Variants in OXCT1 observed in about 807,000 individuals in gnomAD.
The protein encoded by OXCT1 is 3-oxoacid CoA-transferase 1, also known as succinyl-CoA:3-ketoacid coenzyme A transferase 1, mitochondrial.
A neutral mutation model predicts 69.6 loss-of-function variants in OXCT1; 27 were observed. That is an observed-to-expected ratio of 0.39 (90% CI 0.29 to 0.54). OXCT1 has a LOEUF of 0.54. Ranked by LOEUF, OXCT1 falls within the 20% of genes least tolerant of loss-of-function variation. The probability of loss-of-function intolerance (pLI) is 0.72; values close to 1 mark genes in which losing one functional copy is unlikely to be tolerated. For missense variants in OXCT1, 437 were observed against 650.2 expected (o/e 0.67, Z 3.57); for synonymous variants, 202 against 217.8 (o/e 0.93, Z 0.64).
At chr5:41,786,142 T>C (rs966079843) in intron 13 of OXCT1, among the ~76,000 whole-genome samples, 5 of 151,984 alleles carry the variant, frequency 3.3e-5, no homozygotes, top group African/African-American at 4.8e-5. Flanking sequence ...CGCAGGAAAG[T>C]CAGAAGCTGC....
intron 7 of OXCT1, among the ~76,000 whole-genome samples, chr5:41,812,214 G>T (rs562657105): frequency 6.6e-6 from 1 of 152,108 alleles, no homozygotes; most frequent in African/African-American, 2.4e-5. Context: ...ATTGGAATTG[G>T]AAATAGACCA....
At chr5:41,734,657 C>T (rs976922517) in intron 16 of OXCT1, among the ~76,000 whole-genome samples, 1 of 152,072 alleles carries the variant, frequency 6.6e-6, no homozygotes, top group Admixed American at 6.5e-5. Context: ...AATCTGAGGA[C>T]AATGGGAGAA....
At chr5:41,779,316 G>A (rs1745284098) in intron 13 of OXCT1, among the ~76,000 whole-genome samples, 1 of 152,124 alleles carries the variant, frequency 6.6e-6, no homozygotes, top group African/African-American at 2.4e-5. Context: ...TGTCTGATAA[G>A]TTAGACTAGC....
intron 7 of OXCT1, among the ~76,000 whole-genome samples, chr5:41,825,770 T>C (rs1359143239): frequency 2.0e-5 from 3 of 152,060 alleles, no homozygotes; most frequent in Non-Finnish European, 4.4e-5. Flanking sequence ...AGGCCATGAG[T>C]GGAAGCAGCA....
chr5:41,785,763 A>T (rs1745611377), intron 13 of OXCT1, among the ~76,000 whole-genome samples: 1 of 152,200 alleles, frequency 6.6e-6, no homozygotes, highest in Non-Finnish European at 1.5e-5. Context: ...AGGCTGAAGG[A>T]ATACAGTATA....
chr5:41,785,711 A>G (rs1745609054), intron 13 of OXCT1, among the ~76,000 whole-genome samples: 1 of 152,218 alleles, frequency 6.6e-6, no homozygotes, highest in African/African-American at 2.4e-5. Flanking sequence ...TTTACAAAGG[A>G]AATAGTCAAA....
At chr5:41,822,943 G>A (rs891100221) in intron 7 of OXCT1, among the ~76,000 whole-genome samples, 1 of 152,060 alleles carries the variant, frequency 6.6e-6, no homozygotes, top group African/African-American at 2.4e-5. Context: ...TATTTAGTCG[G>A]ATTAATATCT....
In OXCT1 at chr5:41,807,318, C is replaced by G. The variant is rs1319607268; in HGVS notation, c.840+13G>C. 1 of 1,333,724 alleles carries G rather than the reference C, an allele frequency of 7.5e-7. No individual in the cohort carries two copies. The highest frequency in any genetic ancestry group is 1.1e-6 in the Non-Finnish European group (1 of 924,998). The allele number at this position is 1,333,724 out of a possible 1,614,324, so 82.6% of individuals were successfully genotyped here. A position where few individuals can be genotyped will look rare whatever the true frequency, so the allele number is the denominator to read the frequency against. On this transcript the variant is annotated intron_variant, in intron 8 of 16. Coordinates refer to ENST00000196371, the MANE Select transcript of OXCT1 (RefSeq NM_000436.4). The stretch of plus-strand genomic sequence containing the variant: ...GGATCCATGAATACTGACAAAGCAG[C>G]TAAGTCAATTACCTCAATTCTTTTC...
rs1052416871 is a variant in OXCT1 at position 41,749,501 on chromosome 5, G to T, written c.1419+26C>A. 11 of 1,462,726 alleles carry T rather than the reference G, an allele frequency of 7.5e-6. 1 individual carries two copies. The Admixed American group carries it at 1.5e-4, about 20-fold the overall frequency. 90.6% of individuals were successfully genotyped at this position (1,462,726 alleles called of 1,614,324 possible). Reference sequence around the variant, plus strand: ...TCTAAAAATGCTTACTTAAAACATGGTAATAGTAGAAAAAGCACTTTTTAC... The same window carrying T: ...TCTAAAAATGCTTACTTAAAACATGTTAATAGTAGAAAAAGCACTTTTTAC... On this transcript the variant is annotated intron_variant, in intron 15 of 16. Transcript: ENST00000196371.
intron 1 of OXCT1, among the ~76,000 whole-genome samples, chr5:41,868,458 T>A (rs1253816000): frequency 6.6e-6 from 1 of 152,174 alleles, no homozygotes; most frequent in Admixed American, 6.5e-5. Flanking sequence ...TGCTAAACAA[T>A]AAGGGCTGTA....
intron 15 of OXCT1, among the ~76,000 whole-genome samples, chr5:41,748,928 A>C (rs2112044350): frequency 6.6e-6 from 1 of 152,234 alleles, no homozygotes; most frequent in Admixed American, 6.6e-5. Flanking sequence ...GGGTGATGAC[A>C]GACAGCTGCT....
intron 13 of OXCT1, among the ~76,000 whole-genome samples, chr5:41,785,634 G>A (rs1745604761): frequency 6.6e-6 from 1 of 152,170 alleles, no homozygotes; most frequent in African/African-American, 2.4e-5. Context: ...AGATCTTGCT[G>A]TCTCACTTTT....
chr5:41,822,408 C>T (rs1165382346), intron 7 of OXCT1, among the ~76,000 whole-genome samples: 1 of 152,112 alleles, frequency 6.6e-6, no homozygotes, highest in Non-Finnish European at 1.5e-5. Flanking sequence ...TGGACTAGCC[C>T]TCTTTATCCC....
At chr5:41,862,537 A>G in intron 2 of OXCT1, 105 bp downstream of exon 2, 1 of 688,812 alleles carries the variant, frequency 1.5e-6, no homozygotes, top group Non-Finnish European at 2.7e-6. Context: ...AATAATGCAT[A>G]ATAAAATAAT....
At chr5:41,740,952 CTTTT>C (rs70988866) in intron 15 of OXCT1, among the ~76,000 whole-genome samples, 2 of 136,228 alleles carry the variant, frequency 1.5e-5, no homozygotes, top group African/African-American at 2.9e-5. Context: ...GGCCTAGAAT[CTTTT>C]TTTTTTTTTT....
chr5:41,844,888 T>G (rs538405757), intron 5 of OXCT1, among the ~76,000 whole-genome samples: 1 of 148,190 alleles, frequency 6.7e-6, no homozygotes, highest in South Asian at 2.1e-4. Flanking sequence ...CCTCCTAAAT[T>G]AACACAACAG....
chr5:41,797,649 C>T (rs1398047097), intron 11 of OXCT1, among the ~76,000 whole-genome samples: 2 of 152,220 alleles, frequency 1.3e-5, no homozygotes, highest in Admixed American at 6.5e-5. Flanking sequence ...CACGATTTAA[C>T]AGGTCATCCA....
intron 5 of OXCT1, chr5:41,843,432 G>T: frequency 2.6e-6 from 1 of 390,174 alleles, no homozygotes; most frequent in South Asian, 1.9e-5. Flanking sequence ...GGTTTCTCTT[G>T]CTACTGTGAA....
At chr5:41,832,488 CAGCAATTATGGTTGG>C (rs1052658136) in intron 7 of OXCT1, among the ~76,000 whole-genome samples, 2 of 152,140 alleles carry the variant, frequency 1.3e-5, no homozygotes, top group African/African-American at 4.8e-5. Context: ...ACAAAAACCA[CAGCAATTATGGTTGG>C]AGCCCAAGTC....
Sources: gnomAD v4.1 joint callset for allele counts (sites outside exome capture counted in the v4.1 genomes callset) on GRCh38, gnomAD v4.1.1 for gene constraint, MANE v1.5 for transcripts, NCBI Gene and HGNC (gene_info 2026-07-23, HGNC 2026-07-21) for gene names.